Variants in OXSR1 observed in about 807,000 individuals in gnomAD.
OXSR1 encodes oxidative stress responsive kinase 1.
OXSR1 carries 24 observed loss-of-function variants against 79.8 expected under a neutral mutation model. The ratio of observed to expected loss-of-function variants is 0.30; its 90% confidence interval spans 0.22 to 0.42. The LOEUF (loss-of-function observed/expected upper bound fraction) is 0.42. OXSR1 is among the 10% of genes least tolerant of loss of function. The probability of loss-of-function intolerance (pLI) is 1.00; values close to 1 mark genes in which losing one functional copy is unlikely to be tolerated. For missense variants in OXSR1, 430 were observed against 618.4 expected, an observed-to-expected ratio of 0.70 and a Z score of 3.23; for synonymous variants, 226 against 209.2, an observed-to-expected ratio of 1.08 and a Z score of -0.69.
chr3:38,230,592 G>C, intron 10 of OXSR1, 162 bp downstream of exon 10: 1 of 588,616 alleles, frequency 1.7e-6, no homozygotes, highest in Non-Finnish European at 3.1e-6. Context: ...AATATCTTTG[G>C]TCTACCATAT....
At position 38,223,792 on chromosome 3, in the gene OXSR1, C is replaced by A. The variant is rs1406450485; in HGVS notation, c.601-20C>A. On this transcript the variant is annotated intron_variant, in intron 6 of 17. Coordinates refer to ENST00000311806, the MANE Select transcript of OXSR1 (RefSeq NM_005109.3). Reference sequence around the variant, plus strand: ...GTCCTTTTATGCTGGTAAAAATAATCATGCAAATCTGTTTTGCAGGTCCGT... The same window carrying A: ...GTCCTTTTATGCTGGTAAAAATAATAATGCAAATCTGTTTTGCAGGTCCGT... 2.6e-6 allele frequency: 4 copies of A among 1,553,638 alleles called. No homozygotes were observed. Among genetic ancestry groups the A allele is most frequent in the Non-Finnish European group, 3.5e-6 (4 of 1,128,296 alleles).
chr3:38,169,301 T>C (rs896444027), intron 1 of OXSR1, among the ~76,000 whole-genome samples: 1 of 151,970 alleles, frequency 6.6e-6, no homozygotes. Flanking sequence ...GGTTGTTTTT[T>C]TTTTTGTTTG....
At chr3:38,177,809 A>T (rs1026343782) in intron 1 of OXSR1, among the ~76,000 whole-genome samples, 6 of 152,044 alleles carry the variant, frequency 3.9e-5, no homozygotes, top group African/African-American at 1.4e-4. Flanking sequence ...GCTGGTCTTG[A>T]ACTCCTGGCC....
intron 4 of OXSR1, among the ~76,000 whole-genome samples, chr3:38,204,149 A>C (rs1702223445): frequency 6.6e-6 from 1 of 151,592 alleles, no homozygotes; most frequent in Non-Finnish European, 1.5e-5. Flanking sequence ...CTGCCTGGCT[A>C]CCCCCAGTGT....
At chr3:38,227,255 C>T (rs1372879610) in intron 8 of OXSR1, among the ~76,000 whole-genome samples, 1 of 152,170 alleles carries the variant, frequency 6.6e-6, no homozygotes, top group Non-Finnish European at 1.5e-5. Context: ...GTTTAATTCT[C>T]ACAGTAATCC....
At chr3:38,184,825 C>T (rs1218725365) in intron 2 of OXSR1, among the ~76,000 whole-genome samples, 1 of 128,782 alleles carries the variant, frequency 7.8e-6, no homozygotes, top group Admixed American at 8.7e-5. Context: ...GTCTTTCTGA[C>T]TTAAGTCTAT....
intron 4 of OXSR1, 86 bp downstream of exon 4, chr3:38,198,949 T>C (rs1163451795): frequency 1.8e-6 from 2 of 1,132,606 alleles, no homozygotes; most frequent in Admixed American, 2.0e-5. Context: ...CTGACTGTTA[T>C]CATAGCTCTT....
chr3:38,180,413 A>C (rs965451915), intron 1 of OXSR1, among the ~76,000 whole-genome samples: 1 of 151,996 alleles, frequency 6.6e-6, no homozygotes, highest in Admixed American at 6.5e-5. Context: ...CTGGAATCAT[A>C]CTATATACAG....
At chr3:38,226,587 ACTGATATGTG>A (rs2125839577) in intron 8 of OXSR1, among the ~76,000 whole-genome samples, 1 of 152,192 alleles carries the variant, frequency 6.6e-6, no homozygotes, top group South Asian at 2.1e-4. Flanking sequence ...CATTGATAAG[ACTGATATGTG>A]CCTCTTGATA....
At position 38,249,962 on chromosome 3, in the gene OXSR1, A is replaced by C. The variant is rs371046277; in HGVS notation, c.1323-4A>C. On this transcript the variant is annotated splice_polypyrimidine_tract_variant and splice_region_variant and intron_variant, in intron 14 of 17. Transcript: ENST00000311806. ...TATTTTATGCATTCTGCTTTCTTTC[A>C]TAGGAATTCCAAAAAAGAACTAAAT... The C allele has an allele frequency of 1.9e-6, 3 of 1,548,118 alleles. No homozygotes were observed. The Admixed American group carries it at 5.1e-5, about 26-fold the overall frequency.
chr3:38,188,046 C>G (rs1701915769), intron 2 of OXSR1, among the ~76,000 whole-genome samples: 1 of 152,162 alleles, frequency 6.6e-6, no homozygotes, highest in African/African-American at 2.4e-5. Flanking sequence ...ATTCCCCCTT[C>G]CCCCTTTAAA....
chr3:38,190,194 C>T (rs930652100), intron 2 of OXSR1, among the ~76,000 whole-genome samples: 4 of 152,102 alleles, frequency 2.6e-5, no homozygotes, highest in African/African-American at 9.7e-5. Flanking sequence ...AAATCATAAG[C>T]TGAGATAGAG....
chr3:38,193,561 C>A, intron 3 of OXSR1: 1 of 421,772 alleles, frequency 2.4e-6, no homozygotes, highest in South Asian at 2.0e-5. Context: ...TTAATTCTCT[C>A]GTCCATATCT....
At chr3:38,247,595 C>A (rs1703168313) in intron 13 of OXSR1, 73 bp from the exon 14 acceptor site, 2 of 1,044,812 alleles carry the variant, frequency 1.9e-6, no homozygotes, top group Non-Finnish European at 3.0e-6. Context: ...AATGATTCCT[C>A]TGCCAGTGAC....
chr3:38,174,717 T>C (rs1447411011), intron 1 of OXSR1, among the ~76,000 whole-genome samples: 1 of 152,160 alleles, frequency 6.6e-6, no homozygotes, highest in African/African-American at 2.4e-5. Flanking sequence ...GGATATAGCA[T>C]ATTTTTTGAA....
chr3:38,204,854 A>G (rs528489948), intron 4 of OXSR1, among the ~76,000 whole-genome samples: 13 of 151,342 alleles, frequency 8.6e-5, no homozygotes, highest in African/African-American at 2.9e-4. Context: ...CTGCAAGTCT[A>G]CTGGCTCCAA....
intron 1 of OXSR1, among the ~76,000 whole-genome samples, chr3:38,181,067 A>G (rs1275592949): frequency 6.6e-6 from 1 of 151,234 alleles, no homozygotes; most frequent in African/African-American, 2.4e-5. Flanking sequence ...TACCTAACGC[A>G]TGGATTTTAG....
intron 3 of OXSR1, among the ~76,000 whole-genome samples, chr3:38,193,585 T>C (rs910476778): frequency 1.3e-5 from 2 of 152,118 alleles, no homozygotes; most frequent in African/African-American, 4.8e-5. Flanking sequence ...TGCCAGCCTA[T>C]GCTTTCTGCT....
chr3:38,228,349 A>G (rs956935055), intron 8 of OXSR1, among the ~76,000 whole-genome samples: 1 of 152,212 alleles, frequency 6.6e-6, no homozygotes, highest in African/African-American at 2.4e-5. Flanking sequence ...TTGAGAAGCA[A>G]TTGTTGAGCA....
Sources: allele counts gnomAD v4.1 joint callset (sites outside exome capture counted in the v4.1 genomes callset), GRCh38; gene constraint gnomAD v4.1.1; transcripts MANE v1.5; gene names NCBI Gene and HGNC (gene_info 2026-07-23, HGNC 2026-07-21).